SLC9C2: variants seen among roughly 807,000 people sequenced by gnomAD.
The protein encoded by SLC9C2 is sodium/hydrogen exchanger 11.
In SLC9C2, 75 loss-of-function variants were observed where a neutral mutation model predicts 140.2. The ratio of observed to expected loss-of-function variants is 0.53; its 90% CI spans 0.44 to 0.65. The LOEUF is 0.65. SLC9C2 is among the 30% of genes least tolerant of loss of function. The probability of loss-of-function intolerance (pLI) is 0.00; values close to 1 mark genes in which losing one functional copy is unlikely to be tolerated. For synonymous variants in SLC9C2, 375 were observed against 420.9 expected, an observed-to-expected ratio of 0.89 and a Z score of 1.34; for missense variants, 1,074 against 1,331.8, an observed-to-expected ratio of 0.81 and a Z score of 3.01.
rs188663781 is a variant in SLC9C2 at position 173,544,909 on chromosome 1, T to C, written c.1557+2780A>G. Among the ~76,000 whole-genome samples the C allele has an allele frequency of 3.4e-4, 52 of 152,078 alleles. No individual in the cohort carries two copies. The East Asian group carries it at 7.9e-3, about 23-fold the overall frequency. Reference sequence around the variant, plus strand: ...CATTAGGAGAAATACCTAACGTAAATGATGAGTTAATGGGTGCAGCAAACC... The same window carrying C: ...CATTAGGAGAAATACCTAACGTAAACGATGAGTTAATGGGTGCAGCAAACC... On this transcript the variant is annotated intron_variant, in intron 13 of 27. Coordinates refer to ENST00000367714, the MANE Select transcript of SLC9C2 (RefSeq NM_178527.4).
In SLC9C2 at chr1:173,597,919, C is replaced by A; in HGVS notation, c.342G>T (p.Lys114Asn). Residue 114 changes from lysine (K) to asparagine (N), a missense_variant, in exon 4 of 28, where the codon AAG (lysine) becomes AAT (asparagine). Physicochemically the swap from Lys to Asn is moderately conservative, Grantham distance 94. Coordinates refer to ENST00000367714, the MANE Select transcript of SLC9C2 (RefSeq NM_178527.4). ...GTGTTCTTACCTGCCAAAACATTTTCTTGAGTGTATAAAATTCTACATCCA... is the reference window on the plus strand; with the variant it reads ...GTGTTCTTACCTGCCAAAACATTTTATTGAGTGTATAAAATTCTACATCCA... ...VALDVEFYTL[K>N]KMFWQVLLTG... The A allele has an allele frequency of 4.4e-6, 7 of 1,584,128 alleles. No individual in the cohort carries two copies. Among genetic ancestry groups the A allele is most frequent in the East Asian group, 2.3e-5 (1 of 44,404 alleles).
chr1:173,547,733 C>G lies in SLC9C2; in HGVS notation c.1513G>C (p.Ala505Pro). ...TGCAATCTGGCTTCCTCCATTAAAG[C>G]TTCATCTGTTGTGGATTCTGTCTTC... Reference protein sequence around the residue: ...DMKTESTTDEALMEEARLHVA... With the variant: ...DMKTESTTDEPLMEEARLHVA... The change falls in exon 13 of 28, where the codon GCT (alanine) becomes CCT (proline). Residue 505 changes from alanine (A) to proline (P), a missense_variant. Physicochemically the swap from Ala to Pro is conservative, Grantham distance 27 (BLOSUM62 -1). Coordinates refer to ENST00000367714, the MANE Select transcript of SLC9C2 (RefSeq NM_178527.4). The G allele has an allele frequency of 6.2e-7, 1 of 1,612,378 alleles. No homozygotes were observed. The highest frequency in any genetic ancestry group is 1.1e-5 in the South Asian group (1 of 90,928).
chr1:173,554,810 A>G lies in SLC9C2; in HGVS notation c.1220T>C (p.Ile407Thr). 1 of 1,564,658 alleles carries G rather than the reference A, an allele frequency of 6.4e-7. No homozygotes were observed. Among genetic ancestry groups the G allele is most frequent in the South Asian group, 1.1e-5 (1 of 88,424 alleles). ...TAATGATATTACTTGTACATAGAGT[A>G]TAAACTAAAAACAAAGCACATAAAT... ...ERKVEVPQMF[I>T]LYVQVISLLT... The change falls in exon 11 of 28, where the codon ATA becomes ACA. Residue 407 changes from isoleucine to threonine, a missense_variant. Coordinates refer to ENST00000367714, the MANE Select transcript of SLC9C2 (RefSeq NM_178527.4).
intron 4 of SLC9C2, among the ~76,000 whole-genome samples, chr1:173,588,180 T>C (rs1273767009): frequency 6.6e-6 from 1 of 152,226 alleles, no homozygotes; most frequent in Non-Finnish European, 1.5e-5. Context: ...TGACGTATTG[T>C]GTCTGGTACA....
Position 173,554,762 on chromosome 1 carries a change from T to A in SLC9C2, c.1268A>T (p.Tyr423Phe). 1.2e-6 allele frequency: 2 copies of A among 1,608,578 alleles called. No homozygotes were observed. The highest frequency in any genetic ancestry group is 1.7e-6 in the Non-Finnish European group (2 of 1,175,038). The part of the protein sequence containing the change: ...ISLLTMGINS[Y>F]VMTQSARKLD... ...CTTCCTGGCTGACTGAGTCATCACG[T>A]ATGAATTTATTCCCATTGTCAATAA... The change falls in exon 11 of 28, where the codon TAC becomes TTC. Residue 423 changes from tyrosine (Y) to phenylalanine (F), a missense_variant. Tyr to Phe is a conservative substitution (Grantham distance 22). Transcript: ENST00000367714.
chr1:173,527,567 A>G (rs1169697481), intron 18 of SLC9C2, among the ~76,000 whole-genome samples: 5 of 152,210 alleles, frequency 3.3e-5, no homozygotes, highest in Non-Finnish European at 7.3e-5. Context: ...CAATCATACA[A>G]CAGGTATTTG....
chr1:173,524,915 T>C lies in SLC9C2; in HGVS notation c.2378A>G (p.His793Arg). The change falls in exon 20 of 28, where the codon CAT (histidine) becomes CGT (arginine). Residue 793 changes from histidine to arginine, a missense_variant. Transcript: ENST00000367714. ...AGCAATGACAACATCACGACCCTCA[T>C]GCTCCATGAGTACTACAGCAAAGAA... Reference protein sequence around the residue: ...DAVKELVLMEHEGRDVVIALK... With the variant: ...DAVKELVLMEREGRDVVIALK... The C allele has an allele frequency of 1.2e-6, 2 of 1,614,094 alleles. No individual in the cohort carries two copies. Among genetic ancestry groups the C allele is most frequent in the Non-Finnish European group, 1.7e-6 (2 of 1,179,950 alleles).
At chr1:173,595,688 A>G (rs1666413240) in intron 4 of SLC9C2, among the ~76,000 whole-genome samples, 1 of 152,218 alleles carries the variant, frequency 6.6e-6, no homozygotes, top group African/African-American at 2.4e-5. Context: ...ACTGAATTCA[A>G]TTAATTCAGA....
chr1:173,505,257 G>A lies in SLC9C2; in HGVS notation c.3300C>T (p.Thr1100=), dbSNP rs1309041929. ...AGGTCTACCCCTTACCCATGACATT[G>A]GTGTTACTATTTCTTTGGGTAAGCT... ...ASELTQRNSN[T]NVMASVNTVF... Residue 1100 remains threonine (T), a synonymous_variant, in exon 26 of 28, where the codon ACC becomes ACT. Transcript: ENST00000367714. The A allele has an allele frequency of 4.3e-6, 7 of 1,613,200 alleles. No individual in the cohort carries two copies. In the Admixed American group the frequency reaches 6.7e-5, roughly 15 times the overall value.
At chr1:173,580,355 C>CTT (rs60721581) in intron 7 of SLC9C2, among the ~76,000 whole-genome samples, 51 of 146,476 alleles carry the variant, frequency 3.5e-4, no homozygotes, top group East Asian at 2.6e-3. Flanking sequence ...TGATATAACA[C>CTT]TTTTTTTTTT....
chr1:173,578,895 C>T (rs961675388), intron 7 of SLC9C2, among the ~76,000 whole-genome samples: 4 of 152,212 alleles, frequency 2.6e-5, no homozygotes, highest in Admixed American at 2.6e-4. Context: ...GGTCCTCTTT[C>T]TAAATAAAGT....
At chr1:173,584,015 A>G (rs1446029161) in intron 5 of SLC9C2, among the ~76,000 whole-genome samples, 1 of 152,232 alleles carries the variant, frequency 6.6e-6, no homozygotes, top group Non-Finnish European at 1.5e-5. Context: ...TACCCAAGGT[A>G]ATTGAAAATG....
At chr1:173,521,524 G>A (rs1019936414) in intron 21 of SLC9C2, 125 bp from the exon 22 acceptor site, 101 of 250,592 alleles carry the variant, frequency 4.0e-4, no homozygotes, top group Admixed American at 9.8e-4. Context: ...GTGTGTGTGT[G>A]TATATATATA....
intron 7 of SLC9C2, among the ~76,000 whole-genome samples, chr1:173,580,763 TAACTCCAA>T (rs1386792036): frequency 4.1e-4 from 63 of 152,200 alleles, no homozygotes; most frequent in Non-Finnish European, 8.4e-4. Flanking sequence ...CAAGTCTGCC[TAACTCCAA>T]AGCTCTTCGA....
chr1:173,577,469 GAATACCATA>G (rs1665250212), intron 7 of SLC9C2, among the ~76,000 whole-genome samples: 1 of 152,138 alleles, frequency 6.6e-6, no homozygotes, highest in East Asian at 1.9e-4. Context: ...AAGGATATTT[GAATACCATA>G]AATACTCTGC....
chr1:173,538,285 T>C (rs549926662), intron 13 of SLC9C2, among the ~76,000 whole-genome samples: 123 of 152,306 alleles, frequency 8.1e-4, no homozygotes, highest in African/African-American at 2.7e-3. Flanking sequence ...GTGAGAAAAC[T>C]ATGTCCCAGA....
At chr1:173,533,494 T>C (rs1208691994) in intron 17 of SLC9C2, 115 bp downstream of exon 17, 4 of 700,572 alleles carry the variant, frequency 5.7e-6, no homozygotes, top group Non-Finnish European at 9.6e-6. Context: ...ACCCAGGTTG[T>C]CTCAAACTTC....
Position 173,583,520 on chromosome 1 carries a change from A to T in SLC9C2, c.626T>A (p.Phe209Tyr). 6.3e-7 allele frequency: 1 copy of T among 1,593,160 alleles called. No individual in the cohort carries two copies. The highest frequency in any genetic ancestry group is 8.6e-7 in the Non-Finnish European group (1 of 1,167,458). The change falls in exon 6 of 28, where the codon TTT (phenylalanine) becomes TAT (tyrosine). Residue 209 changes from phenylalanine (F) to tyrosine (Y), a missense_variant. By Grantham distance (22) the Phe-to-Tyr change is conservative. Transcript: ENST00000367714. ...AATGCTCCTACCTCTAAAAATAGAAAAGTGGATTCTGTTGCCCCGAAAATT... is the reference window on the plus strand; with the variant it reads ...AATGCTCCTACCTCTAAAAATAGAATAGTGGATTCTGTTGCCCCGAAAATT... ...FGNFRGNRIH[F>Y]SIFRDLHVGI... is the part of the protein sequence containing the mutation.
At chr1:173,513,438 A>G (rs1021936567) in intron 23 of SLC9C2, among the ~76,000 whole-genome samples, 4 of 152,068 alleles carry the variant, frequency 2.6e-5, no homozygotes, top group Non-Finnish European at 4.4e-5. Flanking sequence ...TAGATTTTCT[A>G]GTTTATTTAC....
Sources: gnomAD v4.1 joint callset for allele counts (sites outside exome capture counted in the v4.1 genomes callset) on GRCh38, gnomAD v4.1.1 for gene constraint, MANE v1.5 for transcripts, NCBI Gene and HGNC (gene_info 2026-07-23, HGNC 2026-07-21) for gene names.